Variants in TAF6 observed in about 807,000 individuals in gnomAD.
TAF6 encodes the protein transcription initiation factor TFIID subunit 6.
A neutral mutation model predicts 73.5 loss-of-function variants in TAF6; 50 were observed. That is an observed-to-expected ratio of 0.68 (90% confidence interval 0.54 to 0.86). TAF6 has a LOEUF of 0.86. Among genes scored for constraint, TAF6 ranks in the 40% least tolerant of loss-of-function variants. The pLI, the probability that TAF6 is intolerant of heterozygous loss-of-function variation, is 0.00. For missense variants in TAF6, 768 were observed against 899.5 expected, an observed-to-expected ratio of 0.85 and a Z score of 1.87; for synonymous variants, 424 against 376.7, an observed-to-expected ratio of 1.13 and a Z score of -1.45.
chr7:100,122,326 G>A, upstream of TAF6: 1 of 1,614,178 alleles, frequency 6.2e-7, no homozygotes, highest in Non-Finnish European at 8.5e-7. Context: ...GAGAGGTGCT[G>A]GAGCTGGGGC....
At chr7:100,113,234 T>A in intron 5 of TAF6, 115 bp downstream of exon 5, 2 of 1,043,454 alleles carry the variant, frequency 1.9e-6, no homozygotes, top group East Asian at 2.6e-5. Context: ...GCCACTGCAC[T>A]CCAGCACTCC....
chr7:100,118,574 T>C (rs908956783), intron 1 of TAF6: 4 of 151,452 alleles, frequency 2.6e-5, no homozygotes, highest in African/African-American at 9.7e-5. Context: ...GGAGGATCGC[T>C]TGAACTGAGG....
At position 100,119,306 on chromosome 7, in the gene TAF6, G is replaced by A. The variant is rs1417284010; in HGVS notation, c.-162C>T. The A allele has an allele frequency of 2.0e-5, 21 of 1,027,712 alleles. No homozygotes were observed. The highest frequency in any genetic ancestry group is 2.5e-5 in the Non-Finnish European group (21 of 853,792). The allele number at this position is 1,027,712 out of a possible 1,614,324, so 63.7% of individuals were successfully genotyped here. ...GAGCGCGGGGAGCAGGAAAACTCTAGCGGCAGCCGAGACGCTGCTCACCCG... is the reference window on the plus strand; with the variant it reads ...GAGCGCGGGGAGCAGGAAAACTCTAACGGCAGCCGAGACGCTGCTCACCCG... On this transcript the variant is annotated 5_prime_UTR_variant, in exon 1 of 15. Coordinates refer to ENST00000453269, the MANE Select transcript of TAF6 (RefSeq NM_139315.3).
chr7:100,117,906 G>A (rs769911822), intron 1 of TAF6, among the ~76,000 whole-genome samples: 13 of 152,182 alleles, frequency 8.5e-5, no homozygotes, highest in Admixed American at 4.6e-4. Context: ...AGCCAGGCAT[G>A]GTGGCAGGCA....
At chr7:100,119,552 A>G, upstream of TAF6, 1 of 1,396,744 alleles carries the variant, frequency 7.2e-7, no homozygotes. Flanking sequence ...AGGACCTTCA[A>G]GAGGCGCCAC....
intron 1 of TAF6, 137 bp from the exon 2 acceptor site, chr7:100,114,405 G>T: frequency 1.1e-6 from 1 of 875,366 alleles, no homozygotes; most frequent in Non-Finnish European, 1.8e-6. Flanking sequence ...GCCCTGAGGT[G>T]TAACAGAGAA....
upstream of TAF6, chr7:100,121,116 A>ATATTTTTT (rs1584585316): frequency 3.8e-5 from 2 of 52,780 alleles, no homozygotes; most frequent in Admixed American, 2.8e-4. Context: ...ATATATATAT[A>ATATTTTTT]TTTTTTTTTT....
At chr7:100,124,567 C>T (rs377668978), upstream of TAF6, 69 of 1,613,008 alleles carry the variant, frequency 4.3e-5, no homozygotes, top group Non-Finnish European at 5.3e-5. Context: ...GGTACTTCCA[C>T]CATCAGGAGC....
In TAF6 at chr7:100,113,327, G is replaced by C. The variant is rs181469109; in HGVS notation, c.454+22C>G. The C allele has an allele frequency of 1.9e-6, 3 of 1,566,176 alleles. No individual in the cohort carries two copies. The East Asian group carries it at 6.8e-5, about 35-fold the overall frequency. The stretch of plus-strand genomic sequence containing the variant: ...AAGGGGAAAGGGACCCAGAGACCCA[G>C]AGGGTGGGGCATGGAGGTTACCTGG... On this transcript the variant is annotated intron_variant, in intron 5 of 14. Transcript: ENST00000453269.
chr7:100,119,836 CAG>C (rs777942559), upstream of TAF6: 1 of 1,613,096 alleles, frequency 6.2e-7, no homozygotes, highest in Non-Finnish European at 8.5e-7. Flanking sequence ...GACGATGACA[CAG>C]AACGCTTGCC....
rs548081581 is a variant in TAF6, at chr7:100,114,290, C to T, written c.-59-22G>A. 7.5e-6 allele frequency: 12 copies of T among 1,607,990 alleles called. 1 individual carries two copies. In the Admixed American group the frequency reaches 2.0e-4, roughly 27 times the overall value. Reference sequence around the variant, plus strand: ...GACCCTGGCAGAGGAACGGGGCAGGCAGAAGAAAAAGAAACGTGAGACACA... The same window carrying T: ...GACCCTGGCAGAGGAACGGGGCAGGTAGAAGAAAAAGAAACGTGAGACACA... On this transcript the variant is annotated intron_variant, in intron 1 of 14. Coordinates refer to ENST00000453269, the MANE Select transcript of TAF6 (RefSeq NM_139315.3).
At chr7:100,126,250 G>A in the TAF6 span, among the ~76,000 whole-genome samples, 1 of 151,980 alleles carries the variant, frequency 6.6e-6, no homozygotes, top group Non-Finnish European at 1.5e-5. Flanking sequence ...GCTGAGACAG[G>A]AGAATCGCTT....
intron 3 of TAF6, 21 bp downstream of exon 3, chr7:100,113,847 C>A (rs4134899): frequency 0.017 from 27,118 of 1,613,018 alleles, 275 homozygotes; most frequent in Non-Finnish European, 0.02. Flanking sequence ...CACCCCCCCC[C>A]CGCCTGTCTC....
At chr7:100,121,114 ATATTTTTTTTTTTTTTTTTTT>A (rs1246306058), upstream of TAF6, 10 of 31,152 alleles carry the variant, frequency 3.2e-4, no homozygotes, top group African/African-American at 5.2e-4. Context: ...ATATATATAT[ATATTTTTTTTTTTTTTTTTTT>A]TTTTTTTTTT....
At chr7:100,121,116 A>ATATATATATATATATAT (rs1584585316), upstream of TAF6, 1 of 52,800 alleles carries the variant, frequency 1.9e-5, no homozygotes, top group African/African-American at 9.7e-5. Context: ...ATATATATAT[A>ATATATATATATATATAT]TTTTTTTTTT....
At chr7:100,110,142 C>T (rs777833566) in intron 11 of TAF6, 58 bp downstream of exon 11, 114 of 1,613,794 alleles carry the variant, frequency 7.1e-5, no homozygotes, top group Non-Finnish European at 9.3e-5. Flanking sequence ...GGGTACAGTG[C>T]CCTCTATAAC....
At chr7:100,113,271 A>G in intron 5 of TAF6, 78 bp downstream of exon 5, 1 of 1,338,188 alleles carries the variant, frequency 7.5e-7, no homozygotes, top group Non-Finnish European at 1.0e-6. Context: ...CAACAGAGTG[A>G]GACTCTGTCT....
upstream of TAF6, chr7:100,119,799 G>A: frequency 6.2e-7 from 1 of 1,614,154 alleles, no homozygotes; most frequent in Non-Finnish European, 8.5e-7. Context: ...CGTGCACGAG[G>A]CTTGGGCTGG....
At chr7:100,114,405 G>C (rs749638240) in intron 1 of TAF6, 137 bp from the exon 2 acceptor site, 2 of 875,248 alleles carry the variant, frequency 2.3e-6, no homozygotes, top group African/African-American at 3.3e-5. Flanking sequence ...GCCCTGAGGT[G>C]TAACAGAGAA....
Sources: gnomAD v4.1 joint callset for allele counts (sites outside exome capture counted in the v4.1 genomes callset) on GRCh38, gnomAD v4.1.1 for gene constraint, MANE v1.5 for transcripts, NCBI Gene and HGNC (gene_info 2026-07-23, HGNC 2026-07-21) for gene names.